RFTN1: variants seen among roughly 807,000 people sequenced by gnomAD.
The protein encoded by RFTN1 is raftlin.
Under a neutral mutation model 46.5 loss-of-function variants are expected in RFTN1, and 26 were observed. The observed-to-expected ratio is 0.56, with a 90% confidence interval of 0.41 to 0.78. RFTN1 has a LOEUF of 0.78. RFTN1 is among the 30% of genes least tolerant of loss of function. RFTN1 has a pLI of 0.00. For synonymous variants in RFTN1, 261 were observed against 284.2 expected (o/e 0.92, Z 0.82); for missense variants, 693 against 718.7 (o/e 0.96, Z 0.41).
Position 16,433,121 on chromosome 3 carries a change from T to A in RFTN1, c.332+730A>T, listed in dbSNP as rs1010276417. On this transcript the variant is annotated intron_variant, in intron 3 of 9. Transcript: ENST00000334133. The surrounding 1 kb of genome is among the most constrained non-coding windows in gnomAD (Gnocchi z 4.4). ...CTTTCCCAGACTTCATTTTAATTTT[T>A]ATTTTTATGAAAGCAGGAAAAACAT... Among the ~76,000 whole-genome samples the A allele has an allele frequency of 4.6e-5, 7 of 152,100 alleles. No individual in the cohort carries two copies. The highest frequency in any genetic ancestry group is 1.4e-4 in the African/African-American group (6 of 41,448).
chr3:16,436,593 C>T (rs142940055), intron 2 of RFTN1, among the ~76,000 whole-genome samples: 2 of 152,232 alleles, frequency 1.3e-5, no homozygotes, highest in South Asian at 2.1e-4. Flanking sequence ...ATACATATTT[C>T]ATTTTTTGCA....
chr3:16,416,261 T>C (rs767354880), intron 3 of RFTN1: 19 of 454,270 alleles, frequency 4.2e-5, no homozygotes, highest in Non-Finnish European at 4.0e-5. Flanking sequence ...CCTTAGAGTG[T>C]AGCAACATAG....
At chr3:16,437,916 A>G (rs1011785669) in intron 2 of RFTN1, among the ~76,000 whole-genome samples, 46 of 152,178 alleles carry the variant, frequency 3.0e-4, no homozygotes, top group African/African-American at 1.1e-3. Context: ...AAAGGGCAAA[A>G]CCACATGTGG....
At chr3:16,485,969 C>T (rs1337389064) in intron 2 of RFTN1, among the ~76,000 whole-genome samples, 1 of 152,208 alleles carries the variant, frequency 6.6e-6, no homozygotes, top group Non-Finnish European at 1.5e-5. Context: ...AAAATACCTT[C>T]CTTTCAACTT....
chr3:16,451,312 C>T lies in RFTN1; in HGVS notation c.146-17275G>A, dbSNP rs1219212512. Among the ~76,000 whole-genome samples, 1 of 152,144 alleles carries T rather than the reference C, an allele frequency of 6.6e-6. No individual in the cohort carries two copies. Among genetic ancestry groups the T allele is most frequent in the African/African-American group, 2.4e-5 (1 of 41,420 alleles). ...CTCTTACCCACCACGTCAGATCCCC[C>T]AAAGCCTTCATTCCTTCCAGGACAC... On this transcript the variant is annotated intron_variant, in intron 2 of 9. Coordinates refer to ENST00000334133, the MANE Select transcript of RFTN1 (RefSeq NM_015150.2). The surrounding 1 kb of genome is among the most constrained non-coding windows in gnomAD (Gnocchi z 4.2).
intron 1 of RFTN1, among the ~76,000 whole-genome samples, chr3:16,497,191 T>C (rs2076639295): frequency 6.6e-6 from 1 of 152,200 alleles, no homozygotes. Flanking sequence ...TATTGATTTG[T>C]GTGCTTTCCC....
rs547509816 is a variant in RFTN1 at position 16,345,840 on chromosome 3, G to A, written c.1146+12092C>T. 0.011 allele frequency among the ~76,000 whole-genome samples: 790 copies of A among 71,906 alleles called. 8 individuals carry two copies. The highest frequency in any genetic ancestry group is 0.05 in the African/African-American group (744 of 14,916). 47.2% of individuals were successfully genotyped at this position (71,906 alleles called of 152,430 possible). On this transcript the variant is annotated intron_variant, in intron 7 of 9. Transcript: ENST00000334133. This position sits in a 1 kb window ranked among gnomAD's most constrained non-coding sequence, Gnocchi z 5.2. The stretch of plus-strand genomic sequence containing the variant: ...TGTGCGCGCGCGCGTGCGCGCACGC[G>A]CACATGTGCATGTGTATGTGTATAA...
intron 2 of RFTN1, among the ~76,000 whole-genome samples, chr3:16,435,940 A>T (rs2075503798): frequency 6.8e-6 from 1 of 146,156 alleles, no homozygotes; most frequent in African/African-American, 2.5e-5. Context: ...ATATATATAT[A>T]TATATCACAC....
chr3:16,467,449 G>A (rs937478222), intron 2 of RFTN1, among the ~76,000 whole-genome samples: 2 of 152,174 alleles, frequency 1.3e-5, no homozygotes, highest in African/African-American at 2.4e-5. Context: ...ACATGGCCCC[G>A]GCTGCCTCCG....
Position 16,387,692 on chromosome 3 carries a change from AC to A in RFTN1, c.442-9591del, listed in dbSNP as rs2074234906. ...AGAAAAAGAGGAAAGAATCCAACCA[AC>A]AATAGAAGTAAGCAAGCCTCGTCCA... is the stretch of plus-strand genomic sequence containing the variant. On this transcript the variant is annotated intron_variant, in intron 4 of 9. Coordinates refer to ENST00000334133, the MANE Select transcript of RFTN1 (RefSeq NM_015150.2). This position sits in a 1 kb window ranked among gnomAD's most constrained non-coding sequence, Gnocchi z 5.2. Among the ~76,000 whole-genome samples, 1 of 151,606 alleles carries A rather than the reference AC, an allele frequency of 6.6e-6. No homozygotes were observed. The highest frequency in any genetic ancestry group is 2.4e-5 in the African/African-American group (1 of 41,200).
chr3:16,333,527 A>G (rs1259785807), intron 7 of RFTN1, among the ~76,000 whole-genome samples: 3 of 152,214 alleles, frequency 2.0e-5, no homozygotes, highest in African/African-American at 4.8e-5. Flanking sequence ...TTCAGAAAAG[A>G]AATAGATGCC....
At chr3:16,397,788 CTCTCTCTT>C (rs913182306) in intron 4 of RFTN1, among the ~76,000 whole-genome samples, 32 of 106,666 alleles carry the variant, frequency 3.0e-4, no homozygotes, top group East Asian at 7.3e-4. Flanking sequence ...CTCCCTCTCT[CTCTCTCTT>C]TCTTTTTTCT....
At chr3:16,390,197 A>T (rs1188660924) in intron 4 of RFTN1, among the ~76,000 whole-genome samples, 1 of 152,260 alleles carries the variant, frequency 6.6e-6, no homozygotes, top group East Asian at 1.9e-4. Context: ...TTTGTTACAC[A>T]GCAATAGACA....
chr3:16,426,702 T>C lies in RFTN1; in HGVS notation c.332+7149A>G, dbSNP rs181237214. Among the ~76,000 whole-genome samples, 1 of 151,910 alleles carries C rather than the reference T, an allele frequency of 6.6e-6. No homozygotes were observed. The highest frequency in any genetic ancestry group is 1.9e-4 in the East Asian group (1 of 5,182). On this transcript the variant is annotated intron_variant, in intron 3 of 9. Transcript: ENST00000334133. The surrounding 1 kb of genome is among the most constrained non-coding windows in gnomAD (Gnocchi z 5.9). ...GTGTGTGTGTGTGTGTGTGTGTCTG[T>C]TCCATTACTTGAGGTCTGTGCTATG...
intron 4 of RFTN1, among the ~76,000 whole-genome samples, chr3:16,408,467 C>G (rs561426341): frequency 2.7e-5 from 4 of 147,604 alleles, no homozygotes; most frequent in African/African-American, 1.0e-4. Flanking sequence ...GGGGAATTGT[C>G]GATTACTAGG....
At chr3:16,414,403 T>C (rs2075035251) in intron 3 of RFTN1, among the ~76,000 whole-genome samples, 2 of 151,480 alleles carry the variant, frequency 1.3e-5, no homozygotes, top group African/African-American at 4.9e-5. Flanking sequence ...GGTCAGGGGT[T>C]CGAGACCAGC....
intron 3 of RFTN1, among the ~76,000 whole-genome samples, chr3:16,415,319 AG>A (rs2075051991): frequency 6.6e-6 from 1 of 151,370 alleles, no homozygotes; most frequent in Non-Finnish European, 1.5e-5. Flanking sequence ...GCACAGGCTT[AG>A]GGGGGAAGAA....
At position 16,320,866 on chromosome 3, in the gene RFTN1, A is replaced by C. The variant is rs958445759; in HGVS notation, c.1332+2510T>G. Among the ~76,000 whole-genome samples the C allele has an allele frequency of 2.0e-5, 3 of 152,232 alleles. No homozygotes were observed. The highest frequency in any genetic ancestry group is 4.4e-5 in the Non-Finnish European group (3 of 68,038). The stretch of plus-strand genomic sequence containing the variant: ...CCATCTTTGTCTTCAGAGTCATACA[A>C]AACTAGAACTCCTTTGAGCAGTGGG... On this transcript the variant is annotated intron_variant, in intron 9 of 9. Transcript: ENST00000334133. This position sits in a 1 kb window ranked among gnomAD's most constrained non-coding sequence, Gnocchi z 4.5.
At chr3:16,491,888 G>A (rs545853016) in intron 2 of RFTN1, among the ~76,000 whole-genome samples, 2 of 152,146 alleles carry the variant, frequency 1.3e-5, no homozygotes, top group African/African-American at 4.8e-5. Context: ...TCCTAGACAC[G>A]CTTTTGTTTT....
Sources: gnomAD v4.1 joint callset for allele counts (sites outside exome capture counted in the v4.1 genomes callset) on GRCh38, gnomAD v4.1.1 for gene constraint, Gnocchi (gnomAD v3.1) non-coding constraint, MANE v1.5 for transcripts, NCBI Gene and HGNC (gene_info 2026-07-23, HGNC 2026-07-21) for gene names.